The following FAT3 variants were observed in gnomAD, a reference collection of about 807,000 sequenced individuals.
The protein encoded by FAT3 is FAT atypical cadherin 3.
Under a neutral mutation model 310.2 loss-of-function variants are expected in FAT3, and 95 were observed. That is an observed-to-expected ratio of 0.31 (90% CI 0.26 to 0.36). The LOEUF (loss-of-function observed/expected upper bound fraction) is 0.36, where lower values mean the gene tolerates loss of function less well. Ranked by LOEUF, FAT3 falls within the 10% of genes least tolerant of loss-of-function variation. The pLI is 1.00. For missense variants in FAT3, 5,408 were observed against 5,715.6 expected (o/e 0.95, Z 1.74); for synonymous variants, 2,314 against 2,192.9 (o/e 1.06, Z -1.54).
rs144298396 is a variant in FAT3, at chr11:92,831,815, C to T, written c.9675C>T (p.Thr3225=). 5.7e-4 allele frequency: 924 copies of T among 1,613,562 alleles called. 13 individuals are homozygous for T. The East Asian group carries it at 0.02, about 35-fold the overall frequency. ...CCTCTCTCACTACTGTCACCATCACCGTTCTGGACATTAATGACAACCCCC... is the reference window on the plus strand; with the variant it reads ...CCTCTCTCACTACTGTCACCATCACTGTTCTGGACATTAATGACAACCCCC... ...SLSSLTTVTI[T]VLDINDNPPV... The change falls in exon 14 of 28, where the codon ACC becomes ACT. Residue 3225 remains threonine, a synonymous_variant. Coordinates refer to ENST00000525166, the MANE Select transcript of FAT3 (RefSeq NM_001367949.2).
At chr11:92,362,783 A>T (rs952236310) in intron 2 of FAT3, among the ~76,000 whole-genome samples, 1 of 152,196 alleles carries the variant, frequency 6.6e-6, no homozygotes, top group East Asian at 1.9e-4. Context: ...TCTAAAACAG[A>T]TTTTAAGTTT....
chr11:92,477,003 A>G (rs1446047550), intron 2 of FAT3, among the ~76,000 whole-genome samples: 1 of 152,222 alleles, frequency 6.6e-6, no homozygotes, highest in Non-Finnish European at 1.5e-5. Flanking sequence ...TGGTAATGGA[A>G]AACATAAATA....
At chr11:92,517,365 A>G (rs550388598) in intron 2 of FAT3, among the ~76,000 whole-genome samples, 2 of 152,290 alleles carry the variant, frequency 1.3e-5, no homozygotes, top group East Asian at 3.9e-4. Context: ...ACCAGACAAA[A>G]ACAAGTCATA....
Position 92,829,899 on chromosome 11 carries a change from A to G in FAT3, c.9482-1723A>G, listed in dbSNP as rs3038. ...TTTATGTCATCCCTCAAGATATATG[A>G]TTTTATTGGTTTGCTGGGAACTTGG... On this transcript the variant is annotated intron_variant, in intron 13 of 27. Transcript: ENST00000525166. Among the ~76,000 whole-genome samples, 313 of 152,232 alleles carry G rather than the reference A, an allele frequency of 2.1e-3. 1 individual carries two copies. The highest frequency in any genetic ancestry group is 3.9e-3 in the Non-Finnish European group (262 of 68,000).
At position 92,583,385 on chromosome 11, in the gene FAT3, G is replaced by A. The variant is rs188028909; in HGVS notation, c.3607+58437G>A. 4.7e-3 allele frequency among the ~76,000 whole-genome samples: 721 copies of A among 152,106 alleles called. 4 individuals carry two copies. The highest frequency in any genetic ancestry group is 0.017 in the African/African-American group (705 of 41,520). On this transcript the variant is annotated intron_variant, in intron 3 of 27. Transcript: ENST00000525166. ...GGAAAGCTTTGCATCATGTTGGTCTGTGGAAACCAGATCTAATGGGAGAAA... is the reference window on the plus strand; with the variant it reads ...GGAAAGCTTTGCATCATGTTGGTCTATGGAAACCAGATCTAATGGGAGAAA...
intron 2 of FAT3, among the ~76,000 whole-genome samples, chr11:92,449,229 G>T (rs1951292496): frequency 6.6e-6 from 1 of 152,156 alleles, no homozygotes; most frequent in Non-Finnish European, 1.5e-5. Flanking sequence ...CCAAAGAATT[G>T]TATTTATCAA....
chr11:92,419,952 G>T (rs1363915178), intron 2 of FAT3, among the ~76,000 whole-genome samples: 1 of 152,120 alleles, frequency 6.6e-6, no homozygotes, highest in Non-Finnish European at 1.5e-5. Flanking sequence ...GTTTATATAA[G>T]AAATCATTTC....
At chr11:92,824,675 T>C (rs1331664112) in intron 13 of FAT3, among the ~76,000 whole-genome samples, 1 of 152,120 alleles carries the variant, frequency 6.6e-6, no homozygotes, top group Non-Finnish European at 1.5e-5. Flanking sequence ...ATTACAAACA[T>C]AGTGTGTGTT....
chr11:92,686,093 T>C (rs148978686), intron 3 of FAT3, among the ~76,000 whole-genome samples: 126 of 152,280 alleles, frequency 8.3e-4, no homozygotes, highest in African/African-American at 2.4e-3. Flanking sequence ...CAAAGTTGTA[T>C]TGGTAAATGA....
chr11:92,733,355 G>C (rs1262124884), intron 4 of FAT3, among the ~76,000 whole-genome samples: 1 of 151,654 alleles, frequency 6.6e-6, no homozygotes, highest in East Asian at 1.9e-4. Context: ...ATTTGAATAG[G>C]TAATATGAGG....
At chr11:92,749,372 T>C (rs1286175748) in intron 4 of FAT3, among the ~76,000 whole-genome samples, 1 of 152,116 alleles carries the variant, frequency 6.6e-6, no homozygotes, top group Non-Finnish European at 1.5e-5. Flanking sequence ...TGTTTGAGGC[T>C]CAAAAGCCAG....
At chr11:92,348,566 T>C (rs1186848531) in intron 1 of FAT3, among the ~76,000 whole-genome samples, 2 of 152,220 alleles carry the variant, frequency 1.3e-5, no homozygotes, top group Non-Finnish European at 2.9e-5. Flanking sequence ...GAGAGTAATA[T>C]GGTGTCAGAA....
At chr11:92,740,103 T>G (rs745666764) in intron 4 of FAT3, among the ~76,000 whole-genome samples, 1 of 152,196 alleles carries the variant, frequency 6.6e-6, no homozygotes, top group Non-Finnish European at 1.5e-5. Context: ...GGGAGTTAAC[T>G]TTGATCATGA....
intron 19 of FAT3, among the ~76,000 whole-genome samples, chr11:92,854,544 C>A (rs1214162972): frequency 1.3e-5 from 2 of 152,158 alleles, no homozygotes; most frequent in Non-Finnish European, 2.9e-5. Context: ...CAGGGTGGGA[C>A]TGATGGTAAA....
chr11:92,890,891 T>C lies in FAT3; in HGVS notation c.13548T>C (p.Thr4516=), dbSNP rs1411100784. The C allele has an allele frequency of 2.5e-6, 4 of 1,613,890 alleles. No individual in the cohort carries two copies. Among genetic ancestry groups the C allele is most frequent in the Non-Finnish European group, 2.5e-6 (3 of 1,179,906 alleles). The part of the protein sequence containing the change: ...VGPPASCEFS[T]FAVSMNQGTE... ...CGCCTGCCAGCTGTGAATTTAGTACTTTTGCTGTGAGCATGAACCAGGGCA... is the reference window on the plus strand; with the variant it reads ...CGCCTGCCAGCTGTGAATTTAGTACCTTTGCTGTGAGCATGAACCAGGGCA... The change falls in exon 28 of 28, where the codon ACT becomes ACC. Residue 4516 remains threonine (T), a synonymous_variant. Coordinates refer to ENST00000525166, the MANE Select transcript of FAT3 (RefSeq NM_001367949.2).
rs117609397 is a variant in FAT3 at position 92,618,254 on chromosome 11, G to A, written c.3608-79130G>A. On this transcript the variant is annotated intron_variant, in intron 3 of 27. Transcript: ENST00000525166. ...CTGCTGTGCTAGCGGTGAGCGAGGC[G>A]CCATGGGTGTAGAACCCTCTGAGCC... Among the ~76,000 whole-genome samples the A allele has an allele frequency of 9.8e-3, 1,485 of 152,302 alleles. 32 individuals are homozygous for A. The highest frequency in any genetic ancestry group is 0.08 in the East Asian group (415 of 5,164).
At chr11:92,702,733 T>C (rs1158300295) in intron 4 of FAT3, among the ~76,000 whole-genome samples, 1 of 152,264 alleles carries the variant, frequency 6.6e-6, no homozygotes, top group Non-Finnish European at 1.5e-5. Flanking sequence ...TATGTGTGAA[T>C]CTTTATCTTG....
chr11:92,566,686 A>G (rs1279518463), intron 3 of FAT3, among the ~76,000 whole-genome samples: 3 of 150,406 alleles, frequency 2.0e-5, no homozygotes, highest in Non-Finnish European at 1.5e-5. Context: ...GTACCAAAAC[A>G]GAGATACTGA....
intron 3 of FAT3, among the ~76,000 whole-genome samples, chr11:92,647,682 A>G (rs1942215131): frequency 6.6e-6 from 1 of 152,110 alleles, no homozygotes; most frequent in Non-Finnish European, 1.5e-5. Flanking sequence ...TACATTTCCT[A>G]CTTCCAATGA....
Sources: gnomAD v4.1 joint callset for allele counts (sites outside exome capture counted in the v4.1 genomes callset) on GRCh38, gnomAD v4.1.1 for gene constraint, MANE v1.5 for transcripts, NCBI Gene and HGNC (gene_info 2026-07-23, HGNC 2026-07-21) for gene names.